Variants in SHANK2 observed in about 807,000 individuals in gnomAD.
The protein encoded by SHANK2 is SH3 and multiple ankyrin repeat domains protein 2.
Under a neutral mutation model 133.7 loss-of-function variants are expected in SHANK2, and 43 were observed. The ratio of observed to expected loss-of-function variants is 0.32; its 90% confidence interval spans 0.25 to 0.41. The LOEUF (loss-of-function observed/expected upper bound fraction) is 0.41, where lower values mean the gene tolerates loss of function less well. SHANK2 is among the 10% of genes least tolerant of loss of function. The probability of loss-of-function intolerance (pLI) is 1.00; values close to 1 mark genes in which losing one functional copy is unlikely to be tolerated. For missense variants in SHANK2, 1,994 were observed against 2,235.8 expected (o/e 0.89, Z 2.18); for synonymous variants, 1,017 against 952.8 (o/e 1.07, Z -1.24).
intron 2 of SHANK2, among the ~76,000 whole-genome samples, chr11:71,186,654 A>G (rs1248727701): frequency 1.3e-5 from 2 of 152,232 alleles, no homozygotes; most frequent in African/African-American, 4.8e-5. Flanking sequence ...CACTCCCTGC[A>G]TGTCACATAG....
At chr11:70,567,638 A>C (rs1422270694) in intron 17 of SHANK2, among the ~76,000 whole-genome samples, 2 of 152,012 alleles carry the variant, frequency 1.3e-5, no homozygotes, top group African/African-American at 2.4e-5. Flanking sequence ...ACAAAAGAAA[A>C]AAAAAAAAAG....
At chr11:70,768,596 A>C (rs2135028977) in intron 14 of SHANK2, among the ~76,000 whole-genome samples, 1 of 152,196 alleles carries the variant, frequency 6.6e-6, no homozygotes, top group Admixed American at 6.5e-5. Flanking sequence ...GCATCTCAGG[A>C]GTCTGTGGGG....
intron 2 of SHANK2, among the ~76,000 whole-genome samples, chr11:71,153,233 G>C (rs527342113): frequency 3.9e-4 from 58 of 149,562 alleles, no homozygotes; most frequent in African/African-American, 1.4e-3. Context: ...TCAGAGGAGG[G>C]GAAGGTTACT....
chr11:70,680,999 A>G (rs1294394016), intron 15 of SHANK2, among the ~76,000 whole-genome samples: 2 of 152,084 alleles, frequency 1.3e-5, no homozygotes, highest in Non-Finnish European at 2.9e-5. Context: ...TGCTCAGACC[A>G]CAGGCCAGTA....
At chr11:70,796,376 A>C (rs369310911) in intron 14 of SHANK2, among the ~76,000 whole-genome samples, 3 of 152,202 alleles carry the variant, frequency 2.0e-5, no homozygotes, top group Non-Finnish European at 4.4e-5. Flanking sequence ...TGCCCCATCC[A>C]GGTGTGGCAT....
chr11:70,928,976 G>T (rs1047822594), intron 10 of SHANK2, among the ~76,000 whole-genome samples: 2 of 152,182 alleles, frequency 1.3e-5, no homozygotes, highest in African/African-American at 2.4e-5. Context: ...GACCCTGGGG[G>T]AGTGCAGACC....
At chr11:70,572,057 C>T (rs777546610) in intron 17 of SHANK2, among the ~76,000 whole-genome samples, 56 of 152,326 alleles carry the variant, frequency 3.7e-4, no homozygotes, top group African/African-American at 9.6e-4. Context: ...TTGAGCACAG[C>T]GTGAGAAGGC....
At chr11:70,609,469 C>T (rs1554993512) in intron 17 of SHANK2, among the ~76,000 whole-genome samples, 1 of 152,166 alleles carries the variant, frequency 6.6e-6, no homozygotes, top group African/African-American at 2.4e-5. Context: ...AGTAATTCCA[C>T]CACACAGGGA....
chr11:70,871,275 G>A (rs1313114836), intron 11 of SHANK2, among the ~76,000 whole-genome samples: 1 of 152,218 alleles, frequency 6.6e-6, no homozygotes, highest in Non-Finnish European at 1.5e-5. Flanking sequence ...CTCGCCTGGT[G>A]GCAGGCTCTG....
rs1375176166 is a variant in SHANK2, at chr11:70,930,666, TTTTC to T, written c.1108-34103_1108-34100del. On this transcript the variant is annotated intron_variant, in intron 10 of 25. Transcript: ENST00000601538. ...TTGTTTTTATTTCTTTGTCTTTTTTTTTTCTTTTTTTTTTTGAGACAATGTCTCA... is the reference window on the plus strand; with the variant it reads ...TTGTTTTTATTTCTTTGTCTTTTTTTTTTTTTTTTTTGAGACAATGTCTCA... Among the ~76,000 whole-genome samples the T allele has an allele frequency of 9.6e-5, 12 of 125,160 alleles. 1 individual carries two copies. Among genetic ancestry groups the T allele is most frequent in the African/African-American group, 3.7e-4 (11 of 30,030 alleles). The allele number at this position is 125,160 out of a possible 152,430, so 82.1% of individuals were successfully genotyped here. A position where few individuals can be genotyped will look rare whatever the true frequency, so the allele number is the denominator to read the frequency against.
chr11:70,925,020 A>G (rs569784150), intron 10 of SHANK2, among the ~76,000 whole-genome samples: 1 of 152,042 alleles, frequency 6.6e-6, no homozygotes, highest in South Asian at 2.1e-4. Context: ...AGAGATGCGC[A>G]CTCTAAGCTT....
At chr11:71,194,596 A>G (rs1332994117) in intron 2 of SHANK2, among the ~76,000 whole-genome samples, 1 of 152,224 alleles carries the variant, frequency 6.6e-6, no homozygotes, top group Non-Finnish European at 1.5e-5. Flanking sequence ...AGTGGATGCT[A>G]AGTGACATGC....
chr11:71,206,520 G>T (rs1954130310), intron 2 of SHANK2, among the ~76,000 whole-genome samples: 1 of 152,180 alleles, frequency 6.6e-6, no homozygotes, highest in South Asian at 2.1e-4. Context: ...TCCACGCAGA[G>T]AGATCGCACT....
intron 14 of SHANK2, among the ~76,000 whole-genome samples, chr11:70,744,275 G>A (rs1946593084): frequency 6.6e-6 from 1 of 152,232 alleles, no homozygotes; most frequent in African/African-American, 2.4e-5. Flanking sequence ...TGTGGGCTCG[G>A]GCGATCAGAT....
intron 15 of SHANK2, among the ~76,000 whole-genome samples, chr11:70,695,057 C>T (rs1945364049): frequency 6.6e-6 from 1 of 152,138 alleles, no homozygotes; most frequent in African/African-American, 2.4e-5. Context: ...AACGATAATA[C>T]CATCATCCTG....
intron 1 of SHANK2, among the ~76,000 whole-genome samples, chr11:71,244,355 A>G (rs1954933618): frequency 6.6e-6 from 1 of 152,256 alleles, no homozygotes; most frequent in African/African-American, 2.4e-5. Context: ...GAAAAGGTAC[A>G]TGCATCATTC....
intron 15 of SHANK2, among the ~76,000 whole-genome samples, chr11:70,667,156 C>T (rs782526099): frequency 2.4e-4 from 36 of 152,160 alleles, no homozygotes; most frequent in Non-Finnish European, 5.0e-4. Flanking sequence ...AGCACCTTTT[C>T]CTAGTTCAAA....
intron 17 of SHANK2, among the ~76,000 whole-genome samples, chr11:70,657,307 T>C (rs1229809877): frequency 6.6e-6 from 1 of 152,154 alleles, no homozygotes; most frequent in Non-Finnish European, 1.5e-5. Flanking sequence ...AAAATTCACG[T>C]GAGACATGTG....
In SHANK2 at chr11:71,109,957, G is replaced by T. The variant is rs561132233; in HGVS notation, c.576C>A (p.His192Gln). The T allele has an allele frequency of 2.6e-6, 4 of 1,550,878 alleles. No homozygotes were observed. Among genetic ancestry groups the T allele is most frequent in the East Asian group, 2.4e-5 (1 of 40,922 alleles). ...MLDRGLDPNFHDPETGETPLT... is the reference protein window; with the variant it reads ...MLDRGLDPNFQDPETGETPLT... The stretch of plus-strand genomic sequence containing the variant: ...AGTGCTCACCTCCGGTCTCCGGGTC[G>T]TGGAAATTGGGATCCAGGCCTCGGT... Residue 192 changes from histidine (H) to glutamine (Q), a missense_variant, in exon 6 of 26, where the codon CAC becomes CAA. Physicochemically the swap from His to Gln is conservative, Grantham distance 24. Transcript: ENST00000601538.
Sources: gnomAD v4.1 joint callset for allele counts (sites outside exome capture counted in the v4.1 genomes callset) on GRCh38, gnomAD v4.1.1 for gene constraint, MANE v1.5 for transcripts, NCBI Gene and HGNC (gene_info 2026-07-23, HGNC 2026-07-21) for gene names.